The following GATC variants were observed in gnomAD, a reference collection of about 807,000 sequenced individuals.
GATC encodes glutamyl-tRNA(Gln) amidotransferase subunit C, mitochondrial.
GATC carries 11 observed loss-of-function variants against 14.4 expected under a neutral mutation model. That is an observed-to-expected ratio of 0.77 (90% confidence interval 0.48 to 1.27). The LOEUF (loss-of-function observed/expected upper bound fraction) is 1.27. GATC is among the 50% of genes most tolerant of loss of function. The probability of loss-of-function intolerance (pLI) is 0.00; values close to 1 mark genes in which losing one functional copy is unlikely to be tolerated. For missense variants in GATC, 204 were observed against 183.0 expected, an observed-to-expected ratio of 1.11 and a Z score of -0.66; for synonymous variants, 76 against 79.3, an observed-to-expected ratio of 0.96 and a Z score of 0.22.
chr12:120,458,099 T>A (rs935828013), intron 3 of GATC, among the ~76,000 whole-genome samples: 14 of 69,160 alleles, frequency 2.0e-4, no homozygotes, highest in African/African-American at 5.3e-4. Flanking sequence ...ATTTCTTAAA[T>A]TTTTTTTTTT....
At chr12:120,456,544 CCT>C (rs1433180937) in intron 2 of GATC, among the ~76,000 whole-genome samples, 4 of 152,208 alleles carry the variant, frequency 2.6e-5, no homozygotes, top group Non-Finnish European at 5.9e-5. Context: ...TGCTAAACTC[CCT>C]GTCCTTCTCT....
At position 120,460,261 on chromosome 12, in the gene GATC, G is replaced by C; in HGVS notation, c.*302G>C. The C allele has an allele frequency of 4.3e-6, 1 of 234,460 alleles. No individual in the cohort carries two copies. Among genetic ancestry groups the C allele is most frequent in the Non-Finnish European group, 8.4e-6 (1 of 119,204 alleles). 14.5% of individuals were successfully genotyped at this position (234,460 alleles called of 1,614,324 possible). On this transcript the variant is annotated 3_prime_UTR_variant, in exon 4 of 4. Transcript: ENST00000551765. ...TATCTGCCTTTAACTCCCCCCAAAG[G>C]ACCATACCAACTGCATGAAAGTGAA... is the stretch of plus-strand genomic sequence containing the variant.
intron 2 of GATC, among the ~76,000 whole-genome samples, chr12:120,454,363 TAG>T (rs967354326): frequency 2.6e-5 from 4 of 152,246 alleles, no homozygotes; most frequent in Admixed American, 2.6e-4. Context: ...AACTGAAATA[TAG>T]AGAGGATAAG....
At chr12:120,448,333 T>TG (rs1328924767) in intron 2 of GATC, among the ~76,000 whole-genome samples, 1 of 149,684 alleles carries the variant, frequency 6.7e-6, no homozygotes, top group Non-Finnish European at 1.5e-5. Context: ...TCAAGAAAGT[T>TG]TTTTTTTTTT....
In GATC at chr12:120,460,418, G is replaced by A. The variant is rs1565915635; in HGVS notation, c.*459G>A. ...ACCGAACATACCTGAATTTGTTCCT[G>A]GGCTCCCACTTTCTTCCCAGAAGAG... On this transcript the variant is annotated 3_prime_UTR_variant, in exon 4 of 4. Transcript: ENST00000551765. 2 of 152,822 alleles carry A rather than the reference G, an allele frequency of 1.3e-5. No homozygotes were observed. The highest frequency in any genetic ancestry group is 2.9e-5 in the Non-Finnish European group (2 of 68,564). 9.5% of individuals were successfully genotyped at this position (152,822 alleles called of 1,614,324 possible).
chr12:120,450,824 AG>A (rs1448943568), intron 2 of GATC: 1 of 152,094 alleles, frequency 6.6e-6, no homozygotes, highest in Non-Finnish European at 1.5e-5. Flanking sequence ...TAAATGTTTT[AG>A]GTAGTAGGCA....
intron 3 of GATC, among the ~76,000 whole-genome samples, chr12:120,459,658 C>T (rs576681662): frequency 1.3e-5 from 2 of 152,244 alleles, no homozygotes; most frequent in East Asian, 3.9e-4. Context: ...AGATCGAGAC[C>T]ATCCTGGCTA....
chr12:120,456,993 G>T, intron 2 of GATC, 83 bp from the exon 3 acceptor site: 2 of 852,194 alleles, frequency 2.3e-6, no homozygotes, highest in East Asian at 4.9e-5. Context: ...CTGCTTCCTT[G>T]TTCTCTCCTT....
chr12:120,452,518 T>C (rs551621398), intron 2 of GATC, among the ~76,000 whole-genome samples: 59 of 152,316 alleles, frequency 3.9e-4, no homozygotes, highest in Admixed American at 2.2e-3. Context: ...GCCTCTCAAG[T>C]AGCTGGGACT....
chr12:120,458,017 C>T (rs190719633), intron 3 of GATC, among the ~76,000 whole-genome samples: 1 of 152,224 alleles, frequency 6.6e-6, no homozygotes, highest in East Asian at 1.9e-4. Context: ...GGCTGCTACC[C>T]TATCAGTGTT....
rs111706861 is a variant in GATC at position 120,461,188 on chromosome 12, T to C, written c.*1229T>C. The C allele has an allele frequency of 0.022, 3,416 of 152,272 alleles. 58 individuals carry two copies. Among genetic ancestry groups the C allele is most frequent in the Middle Eastern group, 0.057 (17 of 298 alleles). 9.4% of individuals were successfully genotyped at this position (152,272 alleles called of 1,614,324 possible). ...ACAGATCACTGCAGCCTCCAACTCC[T>C]GGGCTCAAGTGATCCTCCCACCTCA... On this transcript the variant is annotated 3_prime_UTR_variant, in exon 4 of 4. Coordinates refer to ENST00000551765, the MANE Select transcript of GATC (RefSeq NM_176818.3).
At chr12:120,459,711 C>T (rs1404703476) in intron 3 of GATC, among the ~76,000 whole-genome samples, 196 bp from the exon 4 acceptor site, 1 of 152,136 alleles carries the variant, frequency 6.6e-6, no homozygotes, top group Non-Finnish European at 1.5e-5. Flanking sequence ...AAAAAATTAG[C>T]CGGGAGAGGT....
At chr12:120,451,893 T>TTTTTTTTTTTTTTTTTTTG (rs1337467384) in intron 2 of GATC, among the ~76,000 whole-genome samples, 1 of 143,058 alleles carries the variant, frequency 7.0e-6, no homozygotes, top group Admixed American at 6.9e-5. Context: ...TTTTTTTTTT[T>TTTTTTTTTTTTTTTTTTTG]TTGAGCTGGA....
intron 2 of GATC, among the ~76,000 whole-genome samples, chr12:120,453,456 TATC>T (rs1435580313): frequency 6.6e-6 from 1 of 152,176 alleles, no homozygotes; most frequent in African/African-American, 2.4e-5. Context: ...TAAGTTAACT[TATC>T]ATCAGAATGG....
intron 3 of GATC, among the ~76,000 whole-genome samples, chr12:120,459,232 A>G (rs554612186): frequency 6.6e-6 from 1 of 152,282 alleles, no homozygotes; most frequent in South Asian, 2.1e-4. Context: ...GAGACTCTCC[A>G]TCTCAGAGCC....
chr12:120,459,957 T>C lies in GATC; in HGVS notation c.409T>C (p.Ter137ArgextTer16). The C allele has an allele frequency of 6.2e-7, 1 of 1,611,294 alleles. No homozygotes were observed. The highest frequency in any genetic ancestry group is 1.7e-5 in the Admixed American group (1 of 59,966). ...LDEQEPFPHS[*>R] is the part of the protein sequence containing the mutation. ...TGAACAAGAGCCATTCCCACACAGCTGAGTAGCTCATTCTGGAAAGGGGGT... is the reference window on the plus strand; with the variant it reads ...TGAACAAGAGCCATTCCCACACAGCCGAGTAGCTCATTCTGGAAAGGGGGT... Residue 137 changes from the stop codon to arginine, a stop_lost, in exon 4 of 4, where the codon TGA becomes CGA. Coordinates refer to ENST00000551765, the MANE Select transcript of GATC (RefSeq NM_176818.3).
Position 120,462,310 on chromosome 12 carries a change from A to G in GATC, c.*2351A>G, listed in dbSNP as rs1473874344. The G allele has an allele frequency of 1.1e-5, 8 of 756,728 alleles. No individual in the cohort carries two copies. The South Asian group carries it at 1.4e-4, about 13-fold the overall frequency. The allele number at this position is 756,728 out of a possible 1,614,324, so 46.9% of individuals were successfully genotyped here. A position where few individuals can be genotyped will look rare whatever the true frequency, so the allele number is the denominator to read the frequency against. On this transcript the variant is annotated 3_prime_UTR_variant, in exon 4 of 4. Transcript: ENST00000551765. ...CATGAGGCTATCTCATTAAACCTTC[A>G]TAACATTATGAGGTAGGTACTCTTA...
chr12:120,446,976 T>C lies in GATC; in HGVS notation c.254+147T>C, dbSNP rs1037824065. 8 of 707,236 alleles carry C rather than the reference T, an allele frequency of 1.1e-5. No individual in the cohort carries two copies. In the African/African-American group the frequency reaches 1.4e-4, roughly 13 times the overall value. The allele number at this position is 707,236 out of a possible 1,614,324, so 43.8% of individuals were successfully genotyped here. A position where few individuals can be genotyped will look rare whatever the true frequency, so the allele number is the denominator to read the frequency against. Reference sequence around the variant, plus strand: ...CACAGTCACCTCGCGAGTCAGTGGCTTCACTCTTCCCCTTGTTCATTACTG... The same window carrying C: ...CACAGTCACCTCGCGAGTCAGTGGCCTCACTCTTCCCCTTGTTCATTACTG... On this transcript the variant is annotated intron_variant, in intron 2 of 3. Transcript: ENST00000551765.
chr12:120,461,979 G>C lies in GATC; in HGVS notation c.*2020G>C. ...TAGATTCTGAGCACAAAGCAGCTCA[G>C]TTAACCTAAAAAATAAAGAAAAAAT... On this transcript the variant is annotated 3_prime_UTR_variant, in exon 4 of 4. Transcript: ENST00000551765. The C allele has an allele frequency of 6.4e-7, 1 of 1,572,464 alleles. No homozygotes were observed. The highest frequency in any genetic ancestry group is 1.2e-5 in the South Asian group (1 of 85,574).
Sources: allele counts gnomAD v4.1 joint callset (sites outside exome capture counted in the v4.1 genomes callset), GRCh38; gene constraint gnomAD v4.1.1; transcripts MANE v1.5; gene names NCBI Gene and HGNC (gene_info 2026-07-23, HGNC 2026-07-21).